The following RBMS3 variants were observed in gnomAD, a reference collection of about 807,000 sequenced individuals.
The protein encoded by RBMS3 is RNA-binding motif, single-stranded-interacting protein 3.
RBMS3 carries 27 observed loss-of-function variants against 66.8 expected under a neutral mutation model. That is an observed-to-expected ratio of 0.40 (90% confidence interval 0.30 to 0.56). RBMS3 has a LOEUF of 0.56. RBMS3 is among the 20% of genes least tolerant of loss of function. RBMS3 has a pLI of 0.40. For missense variants in RBMS3, 513 were observed against 549.5 expected, an observed-to-expected ratio of 0.93 and a Z score of 0.66; for synonymous variants, 188 against 183.0, an observed-to-expected ratio of 1.03 and a Z score of -0.22.
chr3:29,967,591 G>A (rs911847326), intron 12 of RBMS3, among the ~76,000 whole-genome samples: 13 of 152,082 alleles, frequency 8.5e-5, no homozygotes, highest in Admixed American at 3.9e-4. Flanking sequence ...CACTGTGCCC[G>A]GCCTGGACTT....
chr3:29,497,007 T>C (rs1230907869), intron 3 of RBMS3, among the ~76,000 whole-genome samples: 1 of 150,356 alleles, frequency 6.7e-6, no homozygotes, highest in Non-Finnish European at 1.5e-5. Context: ...GAAATGATTT[T>C]ATTGGGAAAA....
At chr3:29,618,662 GA>G (rs202047792) in intron 4 of RBMS3, among the ~76,000 whole-genome samples, 10 of 149,988 alleles carry the variant, frequency 6.7e-5, no homozygotes, top group South Asian at 4.2e-4. Flanking sequence ...CTTTTTGACA[GA>G]AAAAAAAAGG....
chr3:29,464,175 A>G (rs1435341989), intron 2 of RBMS3, among the ~76,000 whole-genome samples: 1 of 152,150 alleles, frequency 6.6e-6, no homozygotes, highest in Non-Finnish European at 1.5e-5. Flanking sequence ...GGTTTCTAAA[A>G]TATAAAGAAA....
chr3:29,776,078 T>C (rs933421261), intron 6 of RBMS3, among the ~76,000 whole-genome samples: 1 of 152,054 alleles, frequency 6.6e-6, no homozygotes, highest in Non-Finnish European at 1.5e-5. Flanking sequence ...GCTTACATCA[T>C]TTAACAGCCC....
intron 3 of RBMS3, among the ~76,000 whole-genome samples, chr3:29,552,678 A>T (rs191176472): frequency 2.0e-4 from 31 of 152,068 alleles, no homozygotes; most frequent in South Asian, 8.3e-4. Flanking sequence ...AAAGAAAATT[A>T]AAAAAAATAT....
chr3:29,892,067 T>C lies in RBMS3; in HGVS notation c.792-5312T>C, dbSNP rs151230431. ...AAATAAGATTTTACCATATTACTACTGACCGCCAAATCCCCTGAAGATGAC... is the reference window on the plus strand; with the variant it reads ...AAATAAGATTTTACCATATTACTACCGACCGCCAAATCCCCTGAAGATGAC... On this transcript the variant is annotated intron_variant, in intron 8 of 14. Coordinates refer to ENST00000383767, the MANE Select transcript of RBMS3 (RefSeq NM_001003793.3). Among the ~76,000 whole-genome samples, 5 of 151,650 alleles carry C rather than the reference T, an allele frequency of 3.3e-5. No homozygotes were observed. In the South Asian group the frequency reaches 6.2e-4, roughly 19 times the overall value.
intron 1 of RBMS3, among the ~76,000 whole-genome samples, chr3:29,388,559 A>C (rs775987817): frequency 7.9e-5 from 12 of 152,160 alleles, no homozygotes; most frequent in Non-Finnish European, 1.5e-4. Flanking sequence ...CCCCACTGCC[A>C]ATCTGTGCAC....
At chr3:29,950,408 A>G (rs1354760890) in intron 12 of RBMS3, among the ~76,000 whole-genome samples, 1 of 151,826 alleles carries the variant, frequency 6.6e-6, no homozygotes, top group Non-Finnish European at 1.5e-5. Flanking sequence ...TCAAGACAAC[A>G]ATGGACTTTA....
chr3:29,486,301 AAATT>A (rs2043314535), intron 2 of RBMS3, among the ~76,000 whole-genome samples: 1 of 152,148 alleles, frequency 6.6e-6, no homozygotes, highest in Non-Finnish European at 1.5e-5. Context: ...CTAGCTTTGC[AAATT>A]AATTGTTAAT....
chr3:29,647,254 C>T (rs896923687), intron 4 of RBMS3, among the ~76,000 whole-genome samples: 2 of 152,200 alleles, frequency 1.3e-5, no homozygotes, highest in African/African-American at 4.8e-5. Context: ...GCTGGGATTA[C>T]AGACGTGAGC....
At chr3:29,608,341 A>T (rs1221877804) in intron 4 of RBMS3, among the ~76,000 whole-genome samples, 1 of 152,006 alleles carries the variant, frequency 6.6e-6, no homozygotes, top group Non-Finnish European at 1.5e-5. Context: ...ATAATTGAGA[A>T]TTAGCTAGAA....
At chr3:29,632,721 T>C (rs2049328742) in intron 4 of RBMS3, among the ~76,000 whole-genome samples, 3 of 151,828 alleles carry the variant, frequency 2.0e-5, no homozygotes, top group African/African-American at 4.8e-5. Context: ...AGGTAACTTC[T>C]TTGAACGAGA....
intron 6 of RBMS3, among the ~76,000 whole-genome samples, chr3:29,764,311 G>A (rs1478564820): frequency 6.6e-6 from 1 of 151,982 alleles, no homozygotes; most frequent in Admixed American, 6.6e-5. Context: ...GGAGACATAT[G>A]GTGTTGTTAA....
chr3:30,000,779 A>C (rs948210824), intron 14 of RBMS3, among the ~76,000 whole-genome samples: 1 of 152,170 alleles, frequency 6.6e-6, no homozygotes, highest in Non-Finnish European at 1.5e-5. Context: ...TCAGCAAACT[A>C]ACACAAGAAC....
At position 29,895,097 on chromosome 3, in the gene RBMS3, A is replaced by G. The variant is rs775125049; in HGVS notation, c.792-2282A>G. Among the ~76,000 whole-genome samples, 123 of 151,542 alleles carry G rather than the reference A, an allele frequency of 8.1e-4. 3 individuals are homozygous for G. Among genetic ancestry groups the G allele is most frequent in the Non-Finnish European group, 2.4e-4 (16 of 67,678 alleles). On this transcript the variant is annotated intron_variant, in intron 8 of 14. Coordinates refer to ENST00000383767, the MANE Select transcript of RBMS3 (RefSeq NM_001003793.3). ...ACATTGCAATGGAAAGCCTATGGAG[A>G]GCTTTAGGCTGATTAATACACAAAT...
chr3:29,764,562 AT>A (rs2055844695), intron 6 of RBMS3, among the ~76,000 whole-genome samples: 1 of 152,050 alleles, frequency 6.6e-6, no homozygotes, highest in Non-Finnish European at 1.5e-5. Context: ...AAAAATAAAA[AT>A]GAGCACACTG....
intron 10 of RBMS3, among the ~76,000 whole-genome samples, chr3:29,932,811 C>T (rs1363382518): frequency 2.6e-5 from 4 of 152,122 alleles, no homozygotes; most frequent in African/African-American, 9.7e-5. Context: ...GATATATTTA[C>T]GCCACACATG....
At chr3:29,621,735 G>A (rs2048871001) in intron 4 of RBMS3, among the ~76,000 whole-genome samples, 1 of 151,604 alleles carries the variant, frequency 6.6e-6, no homozygotes, top group Admixed American at 6.6e-5. Flanking sequence ...TGTTGTGGCA[G>A]TAAAATGTAT....
intron 1 of RBMS3, among the ~76,000 whole-genome samples, chr3:29,356,212 G>A (rs1267917780): frequency 1.3e-5 from 2 of 152,132 alleles, no homozygotes; most frequent in African/African-American, 4.8e-5. Flanking sequence ...AATTACTCTT[G>A]AGAAACAGGT....
Sources: gnomAD v4.1 joint callset for allele counts (sites outside exome capture counted in the v4.1 genomes callset) on GRCh38, gnomAD v4.1.1 for gene constraint, MANE v1.5 for transcripts, NCBI Gene and HGNC (gene_info 2026-07-23, HGNC 2026-07-21) for gene names.